The following ARB2A variants were observed in gnomAD, a reference collection of about 807,000 sequenced individuals.
ARB2A encodes the protein cotranscriptional regulator ARB2A.
At chr5:93,997,864 TC>T in the ARB2A span, among the ~76,000 whole-genome samples, 1 of 151,932 alleles carries the variant, frequency 6.6e-6, no homozygotes, top group African/African-American at 2.4e-5. Flanking sequence ...CCTCACATAC[TC>T]ATTTTGAATA....
chr5:93,623,684 T>C, the ARB2A span, among the ~76,000 whole-genome samples: 2 of 152,184 alleles, frequency 1.3e-5, no homozygotes, highest in East Asian at 3.9e-4. Flanking sequence ...ACTCTTGTAA[T>C]TTAAGAGTAT....
chr5:93,943,431 T>G, the ARB2A span, among the ~76,000 whole-genome samples: 1 of 152,130 alleles, frequency 6.6e-6, no homozygotes, highest in Non-Finnish European at 1.5e-5. Context: ...TTTCATATTT[T>G]TTCTCTGAGC....
the ARB2A span, among the ~76,000 whole-genome samples, chr5:93,866,980 T>C: frequency 6.6e-6 from 1 of 152,048 alleles, no homozygotes; most frequent in Non-Finnish European, 1.5e-5. Context: ...ACATACCCCT[T>C]TAATGTGAAA....
chr5:94,075,713 T>C, the ARB2A span, among the ~76,000 whole-genome samples: 125 of 152,306 alleles, frequency 8.2e-4, no homozygotes, highest in Middle Eastern at 3.4e-3. Context: ...GTACATTTTA[T>C]AATTATCTTT....
chr5:93,929,475 T>C, the ARB2A span, among the ~76,000 whole-genome samples: 2 of 152,134 alleles, frequency 1.3e-5, no homozygotes, highest in African/African-American at 4.8e-5. Flanking sequence ...AACAGAATCA[T>C]AGAGTGTATA....
the ARB2A span, among the ~76,000 whole-genome samples, chr5:93,669,335 A>C: frequency 6.6e-6 from 1 of 152,222 alleles, no homozygotes; most frequent in Non-Finnish European, 1.5e-5. Flanking sequence ...TTAAATGGTA[A>C]ATCTACTGTC....
chr5:94,087,665 T>G, the ARB2A span, among the ~76,000 whole-genome samples: 1 of 152,194 alleles, frequency 6.6e-6, no homozygotes, highest in African/African-American at 2.4e-5. Flanking sequence ...ACTTACTCAC[T>G]CAGAGCAACT....
the ARB2A span, among the ~76,000 whole-genome samples, chr5:94,031,898 A>G: frequency 6.6e-6 from 1 of 152,226 alleles, no homozygotes; most frequent in Non-Finnish European, 1.5e-5. Flanking sequence ...GGCTCAAGTG[A>G]ACCAAGATGC....
chr5:94,059,618 C>CA, the ARB2A span, among the ~76,000 whole-genome samples: 50,155 of 62,964 alleles, frequency 0.8, 20,687 homozygotes, highest in South Asian at 0.89. Flanking sequence ...GAGACTGTCT[C>CA]AAAAAAAAAA....
At chr5:93,857,833 C>G in the ARB2A span, among the ~76,000 whole-genome samples, 10 of 152,202 alleles carry the variant, frequency 6.6e-5, no homozygotes, top group Admixed American at 3.3e-4. Flanking sequence ...GTGAGATGAA[C>G]CCGGTACCTC....
the ARB2A span, among the ~76,000 whole-genome samples, chr5:94,008,039 C>T: frequency 1.3e-5 from 2 of 152,068 alleles, no homozygotes; most frequent in Middle Eastern, 3.4e-3. Context: ...AAATAAAATA[C>T]ACAAAGACAT....
the ARB2A span, among the ~76,000 whole-genome samples, chr5:93,870,369 T>C: frequency 3.3e-5 from 5 of 152,218 alleles, no homozygotes; most frequent in Non-Finnish European, 7.3e-5. Flanking sequence ...TCGCCGCTCA[T>C]ATTGAGTCAC....
chr5:93,873,156 GTGGCA>G, the ARB2A span, among the ~76,000 whole-genome samples: 1 of 151,992 alleles, frequency 6.6e-6, no homozygotes, highest in African/African-American at 2.4e-5. Context: ...GTCAGGTGTG[GTGGCA>G]TGCACCTGTA....
At chr5:94,039,002 T>C in the ARB2A span, among the ~76,000 whole-genome samples, 8 of 152,322 alleles carry the variant, frequency 5.3e-5, no homozygotes, top group East Asian at 1.5e-3. Flanking sequence ...TGGTTTTTAG[T>C]GCTTCTATGT....
chr5:93,714,477 T>C, the ARB2A span, among the ~76,000 whole-genome samples: 1 of 152,232 alleles, frequency 6.6e-6, no homozygotes, highest in Admixed American at 6.5e-5. Flanking sequence ...TTAAGCTCAC[T>C]GTAAGCGCAG....
At chr5:93,792,581 ACAAAAAACCAAACACCAAAAC>A in the ARB2A span, among the ~76,000 whole-genome samples, 1 of 151,882 alleles carries the variant, frequency 6.6e-6, no homozygotes, top group Admixed American at 6.6e-5. Context: ...TATCGCAAGA[ACAAAAAACCAAACACCAAAAC>A]CAAAAAACCA....
chr5:94,029,119 G>C, the ARB2A span, among the ~76,000 whole-genome samples: 1 of 152,102 alleles, frequency 6.6e-6, no homozygotes, highest in Non-Finnish European at 1.5e-5. Flanking sequence ...ATCATTCCGA[G>C]TAGCTAGGAT....
the ARB2A span, among the ~76,000 whole-genome samples, chr5:94,019,359 C>A: frequency 6.6e-6 from 1 of 151,690 alleles, no homozygotes. Flanking sequence ...GAAACTGCAA[C>A]CTATAGAATG....
the ARB2A span, among the ~76,000 whole-genome samples, chr5:93,945,070 C>T: frequency 2.4e-4 from 36 of 152,298 alleles, no homozygotes; most frequent in East Asian, 2.5e-3. Flanking sequence ...AAAACAGACA[C>T]CAGAAAACCA....
Sources: gnomAD v4.1 joint callset for allele counts (sites outside exome capture counted in the v4.1 genomes callset) on GRCh38, gnomAD v4.1.1 for gene constraint, MANE v1.5 for transcripts, NCBI Gene and HGNC (gene_info 2026-07-23, HGNC 2026-07-21) for gene names.